The following SERPINE2 variants were observed in gnomAD, a reference collection of about 807,000 sequenced individuals.
SERPINE2 encodes glia-derived nexin.
In SERPINE2, 14 loss-of-function variants were observed where a neutral mutation model predicts 36.3. The ratio of observed to expected loss-of-function variants is 0.39; its 90% CI spans 0.25 to 0.60. The LOEUF is 0.60. Among genes scored for constraint, SERPINE2 ranks in the 20% least tolerant of loss-of-function variants. SERPINE2 has a pLI of 0.57. For synonymous variants in SERPINE2, 192 were observed against 191.8 expected (o/e 1.00, Z -0.01); for missense variants, 418 against 499.6 (o/e 0.84, Z 1.56).
At chr2:224,024,728 A>C (rs1692126673) in intron 1 of SERPINE2, among the ~76,000 whole-genome samples, 1 of 152,234 alleles carries the variant, frequency 6.6e-6, no homozygotes, top group African/African-American at 2.4e-5. Flanking sequence ...GTTCCACAGA[A>C]CTTTTCTTCA....
intron 1 of SERPINE2, among the ~76,000 whole-genome samples, chr2:224,008,312 T>C (rs1691500240): frequency 1.3e-5 from 2 of 152,232 alleles, no homozygotes; most frequent in Admixed American, 1.3e-4. Context: ...ACTTATTAAT[T>C]AGAATATTTA....
rs35905987 is a variant in SERPINE2 at position 223,999,447 on chromosome 2, CTGAA to C, written c.260-1109_260-1106del. On this transcript the variant is annotated intron_variant, in intron 2 of 8. Transcript: ENST00000409304. ...TCCTCTAAAGAGCCGATTTGTCACT[CTGAA>C]TGTGCGTCCTCTTCAGGCCTTTTAC... 1.0e-3 allele frequency among the ~76,000 whole-genome samples: 157 copies of C among 152,300 alleles called. 1 individual carries two copies. Among genetic ancestry groups the C allele is most frequent in the Middle Eastern group, 3.4e-3 (1 of 294 alleles).
At chr2:224,017,121 T>C (rs1440356709) in intron 1 of SERPINE2, among the ~76,000 whole-genome samples, 1 of 152,214 alleles carries the variant, frequency 6.6e-6, no homozygotes, top group African/African-American at 2.4e-5. Context: ...CCCCAGTGAG[T>C]ACCTGTAAAC....
intron 1 of SERPINE2, among the ~76,000 whole-genome samples, chr2:224,037,107 C>T (rs372565120): frequency 5.9e-5 from 9 of 152,320 alleles, no homozygotes; most frequent in African/African-American, 7.2e-5. Flanking sequence ...CAGTTTCAAG[C>T]GAGCAAGGAT....
chr2:224,019,769 A>ATTTTTT (rs1559216905), intron 1 of SERPINE2, among the ~76,000 whole-genome samples: 15 of 8,112 alleles, frequency 1.8e-3, no homozygotes, highest in Middle Eastern at 0.091. Flanking sequence ...TTTTTTTAAA[A>ATTTTTT]AAAAAAAAAG....
At chr2:223,985,103 C>A in intron 4 of SERPINE2, 153 bp from the exon 5 acceptor site, 1 of 636,780 alleles carries the variant, frequency 1.6e-6, no homozygotes, top group Non-Finnish European at 2.8e-6. Flanking sequence ...AAGACAAGGA[C>A]AATTATTTCT....
chr2:223,998,505 C>T (rs1690984553), intron 2 of SERPINE2, among the ~76,000 whole-genome samples, 163 bp from the exon 3 acceptor site: 1 of 152,156 alleles, frequency 6.6e-6, no homozygotes, highest in South Asian at 2.1e-4. Context: ...ATTGCTTGAG[C>T]TCAGGAGTTT....
intron 1 of SERPINE2, among the ~76,000 whole-genome samples, chr2:224,005,081 AT>A (rs1691365605): frequency 2.2e-5 from 1 of 46,244 alleles, no homozygotes; most frequent in African/African-American, 4.0e-5. Flanking sequence ...ATATATATAT[AT>A]ATATATATAT....
In SERPINE2 at chr2:223,998,198, T is replaced by C. The variant is rs1299357014; in HGVS notation, c.404A>G (p.Gln135Arg). 6 of 1,614,204 alleles carry C rather than the reference T, an allele frequency of 3.7e-6. No homozygotes were observed. The East Asian group carries it at 1.1e-4, about 30-fold the overall frequency. ...PFVTRNKDVF[Q>R]CEVRNVNFED... Reference sequence around the variant, plus strand: ...AAAGTTCACATTCCGGACCTCACACTGGAACACATCTTTGTTCCTTGTAAC... The same window carrying C: ...AAAGTTCACATTCCGGACCTCACACCGGAACACATCTTTGTTCCTTGTAAC... Residue 135 changes from glutamine (Q) to arginine (R), a missense_variant, in exon 3 of 9, where the codon CAG becomes CGG. By Grantham distance (43) the Gln-to-Arg change is conservative. Coordinates refer to ENST00000409304, the MANE Select transcript of SERPINE2 (RefSeq NM_001136528.2).
intron 1 of SERPINE2, chr2:224,030,913 A>G: frequency 1.0e-6 from 1 of 973,208 alleles, no homozygotes; most frequent in Non-Finnish European, 1.2e-6. Context: ...AGTCCCAGAA[A>G]AAAACAAGTG....
At chr2:224,022,604 C>T (rs986346482) in intron 1 of SERPINE2, among the ~76,000 whole-genome samples, 10 of 152,114 alleles carry the variant, frequency 6.6e-5, no homozygotes, top group Admixed American at 6.5e-4. Flanking sequence ...AATGAAGGGA[C>T]CTAGTATGTG....
At chr2:224,028,322 T>C (rs935566001) in intron 1 of SERPINE2, among the ~76,000 whole-genome samples, 2 of 152,254 alleles carry the variant, frequency 1.3e-5, no homozygotes, top group African/African-American at 4.8e-5. Context: ...ATCCTCATCA[T>C]TCTCTATTCT....
chr2:224,026,524 T>C (rs1234901774), intron 1 of SERPINE2, among the ~76,000 whole-genome samples: 1 of 152,244 alleles, frequency 6.6e-6, no homozygotes, highest in African/African-American at 2.4e-5. Flanking sequence ...CAGTCACTCA[T>C]GGATCTCATC....
At chr2:223,985,819 C>T (rs1163180810) in intron 4 of SERPINE2, among the ~76,000 whole-genome samples, 3 of 152,216 alleles carry the variant, frequency 2.0e-5, no homozygotes, top group Admixed American at 2.0e-4. Flanking sequence ...TTCCAGTAAT[C>T]ACCACTGGAG....
chr2:224,003,562 G>A (rs748882378), intron 1 of SERPINE2, among the ~76,000 whole-genome samples: 2 of 152,134 alleles, frequency 1.3e-5, no homozygotes, highest in African/African-American at 4.8e-5. Context: ...TTGCTTACAC[G>A]GATGTTCTCA....
At chr2:224,020,752 C>G (rs974580963) in intron 1 of SERPINE2, among the ~76,000 whole-genome samples, 2 of 152,144 alleles carry the variant, frequency 1.3e-5, no homozygotes, top group Non-Finnish European at 2.9e-5. Context: ...TTTTCTGCAG[C>G]TAATTGAAAA....
intron 1 of SERPINE2, among the ~76,000 whole-genome samples, chr2:224,006,166 A>G (rs956402481): frequency 6.6e-6 from 1 of 152,184 alleles, no homozygotes; most frequent in Non-Finnish European, 1.5e-5. Context: ...AATGGCGTCA[A>G]CCATCTCTTC....
intron 1 of SERPINE2, among the ~76,000 whole-genome samples, chr2:224,018,520 C>A (rs1228362547): frequency 1.3e-5 from 2 of 151,430 alleles, no homozygotes; most frequent in Non-Finnish European, 2.9e-5. Context: ...ACAATGGTAA[C>A]TGGAAGATGA....
chr2:224,025,025 G>A (rs1692137720), intron 1 of SERPINE2, among the ~76,000 whole-genome samples: 1 of 152,320 alleles, frequency 6.6e-6, no homozygotes, highest in East Asian at 1.9e-4. Context: ...GAAGATGGGG[G>A]AAGAAACTTT....
Sources: gnomAD v4.1 joint callset for allele counts (sites outside exome capture counted in the v4.1 genomes callset) on GRCh38, gnomAD v4.1.1 for gene constraint, MANE v1.5 for transcripts, NCBI Gene and HGNC (gene_info 2026-07-23, HGNC 2026-07-21) for gene names.